CCNYL1: variants seen among roughly 807,000 people sequenced by gnomAD.
The protein encoded by CCNYL1 is cyclin Y like 1, also known as cyclin-Y-like protein 1.
A neutral mutation model predicts 44.2 loss-of-function variants in CCNYL1; 16 were observed. The ratio of observed to expected loss-of-function variants is 0.36; its 90% CI spans 0.25 to 0.55. The LOEUF is 0.55. CCNYL1 is among the 20% of genes least tolerant of loss of function. The pLI is 0.85. For missense variants in CCNYL1, 348 were observed against 451.8 expected (o/e 0.77, Z 2.08); for synonymous variants, 159 against 163.2 (o/e 0.97, Z 0.20).
intron 1 of CCNYL1, among the ~76,000 whole-genome samples, chr2:207,722,246 T>G (rs1023978848): frequency 6.6e-6 from 1 of 151,980 alleles, no homozygotes; most frequent in Non-Finnish European, 1.5e-5. Context: ...CTGATTTTTT[T>G]GTATTTTTAG....
At chr2:207,724,218 TAGAACAC>T (rs1371952122) in intron 1 of CCNYL1, among the ~76,000 whole-genome samples, 6 of 152,334 alleles carry the variant, frequency 3.9e-5, no homozygotes, top group Admixed American at 3.9e-4. Context: ...TTCTGTATGT[TAGAACAC>T]AGAACTTCCA....
At chr2:207,731,192 G>A (rs1449606047) in intron 3 of CCNYL1, among the ~76,000 whole-genome samples, 3 of 150,378 alleles carry the variant, frequency 2.0e-5, no homozygotes, top group East Asian at 1.9e-4. Context: ...TTTTTGAGAC[G>A]GATTCTGTAG....
Position 207,733,616 on chromosome 2 carries a change from T to C in CCNYL1, c.331-331T>C, listed in dbSNP as rs186045176. On this transcript the variant is annotated intron_variant, in intron 3 of 9. Coordinates refer to ENST00000295414, the MANE Select transcript of CCNYL1 (RefSeq NM_001330218.2). ...TGTAGTGAAGGAATAATAGAAAATCTCAGCTGCTTTTTATTGCTTAAGAAA... is the reference window on the plus strand; with the variant it reads ...TGTAGTGAAGGAATAATAGAAAATCCCAGCTGCTTTTTATTGCTTAAGAAA... 2.6e-5 allele frequency among the ~76,000 whole-genome samples: 4 copies of C among 152,364 alleles called. No homozygotes were observed. In the East Asian group the frequency reaches 7.7e-4, roughly 29 times the overall value.
At chr2:207,748,711 T>C (rs954121402) in intron 8 of CCNYL1, among the ~76,000 whole-genome samples, 1 of 152,176 alleles carries the variant, frequency 6.6e-6, no homozygotes, top group Non-Finnish European at 1.5e-5. Flanking sequence ...TACCATACCA[T>C]ATATTCACAA....
chr2:207,750,398 AGCTT>A (rs2091883108), intron 8 of CCNYL1, among the ~76,000 whole-genome samples: 1 of 152,112 alleles, frequency 6.6e-6, no homozygotes, highest in Non-Finnish European at 1.5e-5. Flanking sequence ...CCTGTAATGT[AGCTT>A]GCTTATTTAT....
At chr2:207,744,441 A>G (rs1208690006) in intron 7 of CCNYL1, among the ~76,000 whole-genome samples, 1 of 151,784 alleles carries the variant, frequency 6.6e-6, no homozygotes, top group Non-Finnish European at 1.5e-5. Context: ...ATCTTGGCTC[A>G]CTGCAACCTC....
chr2:207,750,825 A>G (rs890469060), intron 8 of CCNYL1, 132 bp from the exon 9 acceptor site: 17 of 713,948 alleles, frequency 2.4e-5, no homozygotes, highest in Admixed American at 5.9e-5. Context: ...TTAGTATGTT[A>G]ATACAACTGG....
At chr2:207,750,147 C>G (rs2091881255) in intron 8 of CCNYL1, among the ~76,000 whole-genome samples, 1 of 152,126 alleles carries the variant, frequency 6.6e-6, no homozygotes, top group Non-Finnish European at 1.5e-5. Context: ...GTTTCATTCC[C>G]AACTCAGAAG....
At chr2:207,735,591 C>G (rs530334488) in intron 4 of CCNYL1, among the ~76,000 whole-genome samples, 1 of 152,156 alleles carries the variant, frequency 6.6e-6, no homozygotes, top group Admixed American at 6.5e-5. Flanking sequence ...TCAGGCTGGG[C>G]GTGGTGACTG....
chr2:207,712,012 A>T lies in CCNYL1; in HGVS notation c.116A>T (p.Asp39Val), dbSNP rs748100231. Reference protein sequence around the residue: ...ASDIYEAVSGDAVAVAPAVVE... With the variant: ...ASDIYEAVSGVAVAVAPAVVE... ...GACATCTACGAGGCGGTGTCCGGGG[A>T]CGCGGTGGCGGTAGCGCCCGCTGTG... is the stretch of plus-strand genomic sequence containing the variant. The change falls in exon 1 of 10, where the codon GAC becomes GTC. Residue 39 changes from aspartate (D) to valine (V), a missense_variant. Physicochemically the swap from Asp to Val is radical, Grantham distance 152. This residue lies in a region of CCNYL1 where 209 missense variants were observed against 247.7 expected (regional missense o/e 0.84). Transcript: ENST00000295414. 1.3e-6 allele frequency: 2 copies of T among 1,483,676 alleles called. No homozygotes were observed. Among genetic ancestry groups the T allele is most frequent in the Non-Finnish European group, 1.8e-6 (2 of 1,116,254 alleles). The allele number at this position is 1,483,676 out of a possible 1,614,324, so 91.9% of individuals were successfully genotyped here. A position where few individuals can be genotyped will look rare whatever the true frequency, so the allele number is the denominator to read the frequency against.
chr2:207,730,347 G>C (rs1215046829), intron 3 of CCNYL1, among the ~76,000 whole-genome samples: 2 of 152,130 alleles, frequency 1.3e-5, no homozygotes, highest in African/African-American at 4.8e-5. Context: ...TCTGCCTTGG[G>C]TTCTGTAAGA....
rs145158241 is a variant in CCNYL1 at position 207,745,331 on chromosome 2, G to C, written c.640-1716G>C. Among the ~76,000 whole-genome samples the C allele has an allele frequency of 4.3e-3, 659 of 152,294 alleles. 4 individuals are homozygous for C. Among genetic ancestry groups the C allele is most frequent in the African/African-American group, 0.015 (626 of 41,548 alleles). On this transcript the variant is annotated intron_variant, in intron 7 of 9. Transcript: ENST00000295414. ...AACTGCACTGATGGAGTTGGCTTTA[G>C]TGGGAAGAAAAGAACTCTCACACTG...
At chr2:207,714,324 T>C (rs1169862825) in intron 1 of CCNYL1, 1 of 417,430 alleles carries the variant, frequency 2.4e-6, no homozygotes, top group African/African-American at 2.1e-5. Flanking sequence ...TTTTTTTTTT[T>C]TTTTTTTTTT....
Position 207,755,087 on chromosome 2 carries a change from A to G in CCNYL1, c.*1389A>G, listed in dbSNP as rs1302521002. The G allele has an allele frequency of 6.6e-6, 1 of 152,080 alleles. No homozygotes were observed. Among genetic ancestry groups the G allele is most frequent in the Non-Finnish European group, 1.5e-5 (1 of 68,022 alleles). 9.4% of individuals were successfully genotyped at this position (152,080 alleles called of 1,614,324 possible). ...CTTAGAAAAATGCAAAATTAAATGC[A>G]AAAGAAATGGGCTGGGCATAGTGAT... On this transcript the variant is annotated 3_prime_UTR_variant, in exon 10 of 10. Transcript: ENST00000295414.
At chr2:207,719,004 A>G (rs565352106) in intron 1 of CCNYL1, among the ~76,000 whole-genome samples, 2 of 151,944 alleles carry the variant, frequency 1.3e-5, no homozygotes, top group Non-Finnish European at 2.9e-5. Context: ...CTTTACTGCT[A>G]TGGAGTGATA....
Position 207,753,635 on chromosome 2 carries a change from G to C in CCNYL1, c.1017G>C (p.Met339Ile). Residue 339 changes from methionine (M) to isoleucine (I), a missense_variant, in exon 10 of 10, where the codon ATG becomes ATC. Met to Ile is a conservative substitution (Grantham distance 10). Around this residue, in one of 3 missense-constraint regions of CCNYL1, gnomAD observed 94 missense variants for 102.4 expected, o/e 0.92. Coordinates refer to ENST00000295414, the MANE Select transcript of CCNYL1 (RefSeq NM_001330218.2). ...ACAAAGACTTGTGTAGAGCCGCTAT[G>C]AGAAGGTCTTTCAGTGCTGATAACT... is the stretch of plus-strand genomic sequence containing the variant. ...CEDKDLCRAA[M>I]RRSFSADNFI... 1.2e-6 allele frequency: 2 copies of C among 1,613,770 alleles called. No individual in the cohort carries two copies. The highest frequency in any genetic ancestry group is 1.7e-6 in the Non-Finnish European group (2 of 1,179,758).
chr2:207,712,032 G>T lies in CCNYL1; in HGVS notation c.136G>T (p.Ala46Ser), dbSNP rs776360851. The T allele has an allele frequency of 5.3e-6, 8 of 1,516,804 alleles. No individual in the cohort carries two copies. The South Asian group carries it at 6.2e-5, about 12-fold the overall frequency. The allele number at this position is 1,516,804 out of a possible 1,614,324, so 94.0% of individuals were successfully genotyped here. A position where few individuals can be genotyped will look rare whatever the true frequency, so the allele number is the denominator to read the frequency against. ...VSGDAVAVAP[A>S]VVEPAELDFG... ...CGGGGACGCGGTGGCGGTAGCGCCC[G>T]CTGTGGTGGAGCCTGCCGAGTTGGA... The change falls in exon 1 of 10, where the codon GCT becomes TCT. Residue 46 changes from alanine to serine, a missense_variant. By Grantham distance (99) the Ala-to-Ser change is moderately conservative (BLOSUM62 1). Around this residue, in one of 3 missense-constraint regions of CCNYL1, gnomAD observed 209 missense variants for 247.7 expected, o/e 0.84. Transcript: ENST00000295414.
intron 9 of CCNYL1, among the ~76,000 whole-genome samples, chr2:207,753,148 A>G (rs907601295): frequency 6.6e-6 from 1 of 152,232 alleles, no homozygotes; most frequent in Non-Finnish European, 1.5e-5. Flanking sequence ...AGTCCAGCAC[A>G]CACCTGCCTC....
intron 7 of CCNYL1, among the ~76,000 whole-genome samples, chr2:207,746,702 G>A (rs1056927852): frequency 5.3e-5 from 8 of 152,200 alleles, no homozygotes; most frequent in African/African-American, 1.4e-4. Context: ...TTTCGGGGCC[G>A]GGCGCGGTGG....
Sources: allele counts gnomAD v4.1 joint callset (sites outside exome capture counted in the v4.1 genomes callset), GRCh38; gene constraint gnomAD v4.1.1; regional missense constraint gnomAD v4.1.1; transcripts MANE v1.5; gene names NCBI Gene and HGNC (gene_info 2026-07-23, HGNC 2026-07-21).